The following CSMD1 variants were observed in gnomAD, a reference collection of about 807,000 sequenced individuals.
CSMD1 encodes CUB and sushi domain-containing protein 1.
CSMD1 carries 213 observed loss-of-function variants against 417.5 expected under a neutral mutation model. The observed-to-expected ratio is 0.51, with a 90% CI of 0.46 to 0.57. The LOEUF is 0.57. Ranked by LOEUF, CSMD1 falls within the 20% of genes least tolerant of loss-of-function variation. The pLI, the probability that CSMD1 is intolerant of heterozygous loss-of-function variation, is 0.00. For missense variants in CSMD1, 6,923 were observed against 4,529.7 expected, an observed-to-expected ratio of 1.53 and a Z score of -15.17; for synonymous variants, 2,862 against 1,736.8, an observed-to-expected ratio of 1.65 and a Z score of -16.11.
chr8:4,566,381 T>C (rs147563636), intron 2 of CSMD1, among the ~76,000 whole-genome samples: 533 of 151,924 alleles, frequency 3.5e-3, no homozygotes, highest in African/African-American at 0.012. Context: ...TGGCCGGGCG[T>C]GGTGGCTCAT....
At chr8:4,946,613 G>A (rs1346179338) in intron 1 of CSMD1, among the ~76,000 whole-genome samples, 1 of 152,140 alleles carries the variant, frequency 6.6e-6, no homozygotes, top group African/African-American at 2.4e-5. Context: ...TCTAAGGAAG[G>A]AGGTACTAAA....
chr8:4,795,902 A>G (rs992531264), intron 1 of CSMD1, among the ~76,000 whole-genome samples: 2 of 152,198 alleles, frequency 1.3e-5, no homozygotes, highest in African/African-American at 4.8e-5. Flanking sequence ...GTAGACTGAA[A>G]ATATTGCCAC....
At chr8:4,288,919 C>T (rs960449217) in intron 3 of CSMD1, among the ~76,000 whole-genome samples, 3 of 152,070 alleles carry the variant, frequency 2.0e-5, no homozygotes, top group African/African-American at 7.2e-5. Context: ...GTCCTCATTC[C>T]ATATATAACA....
intron 5 of CSMD1, among the ~76,000 whole-genome samples, chr8:3,802,284 A>G (rs534230784): frequency 6.6e-6 from 1 of 152,050 alleles, no homozygotes; most frequent in Non-Finnish European, 1.5e-5. Flanking sequence ...GATTTCTGCT[A>G]TTTTTCCACT....
intron 3 of CSMD1, among the ~76,000 whole-genome samples, chr8:4,032,518 A>C (rs1797401868): frequency 6.6e-6 from 1 of 152,148 alleles, no homozygotes; most frequent in Non-Finnish European, 1.5e-5. Context: ...GAATACTCAT[A>C]CCCTATTTAT....
chr8:3,560,036 T>C (rs566012655), intron 10 of CSMD1, among the ~76,000 whole-genome samples: 3 of 151,944 alleles, frequency 2.0e-5, no homozygotes, highest in Non-Finnish European at 4.4e-5. Flanking sequence ...TGGAGGGAAT[T>C]TGGTGAATGA....
intron 54 of CSMD1, among the ~76,000 whole-genome samples, chr8:2,981,851 CAT>C (rs1301373026): frequency 2.6e-5 from 4 of 152,152 alleles, no homozygotes; most frequent in Non-Finnish European, 5.9e-5. Flanking sequence ...CTCCTGAACA[CAT>C]GTCTGGTATA....
intron 6 of CSMD1, among the ~76,000 whole-genome samples, chr8:3,735,301 TAAA>T (rs746268434): frequency 3.7e-4 from 48 of 128,666 alleles, no homozygotes; most frequent in South Asian, 1.5e-3. Flanking sequence ...TATGGCAAGA[TAAA>T]AAACAAACAA....
chr8:4,024,113 A>G (rs375661118), intron 4 of CSMD1, among the ~76,000 whole-genome samples: 1 of 152,180 alleles, frequency 6.6e-6, no homozygotes, highest in African/African-American at 2.4e-5. Context: ...TACTAAATGG[A>G]AAGACAAGAG....
intron 7 of CSMD1, among the ~76,000 whole-genome samples, chr8:3,671,226 A>T (rs74800987): frequency 6.9e-6 from 1 of 145,632 alleles, no homozygotes; most frequent in African/African-American, 2.5e-5. Flanking sequence ...GGATGTATGT[A>T]TATGGGATAT....
chr8:3,526,267 G>A (rs892964830), intron 10 of CSMD1, among the ~76,000 whole-genome samples: 1 of 151,786 alleles, frequency 6.6e-6, no homozygotes, highest in South Asian at 2.1e-4. Flanking sequence ...AAAATATAAA[G>A]CTACCAAAAG....
At chr8:3,367,687 C>A (rs1809687606) in intron 19 of CSMD1, among the ~76,000 whole-genome samples, 1 of 151,884 alleles carries the variant, frequency 6.6e-6, no homozygotes, top group Non-Finnish European at 1.5e-5. Context: ...CATATAAGTA[C>A]AGATATGATG....
At chr8:4,276,876 A>G (rs1468342015) in intron 3 of CSMD1, among the ~76,000 whole-genome samples, 1 of 152,210 alleles carries the variant, frequency 6.6e-6, no homozygotes, top group Non-Finnish European at 1.5e-5. Flanking sequence ...TAAGTTAAAA[A>G]CATTTAAATA....
chr8:4,003,524 A>C (rs966862863), intron 4 of CSMD1, among the ~76,000 whole-genome samples: 2 of 152,238 alleles, frequency 1.3e-5, no homozygotes, highest in African/African-American at 2.4e-5. Context: ...ATTCTAGAAC[A>C]AACCAAAATT....
chr8:4,210,389 C>A (rs937594784), intron 3 of CSMD1, among the ~76,000 whole-genome samples: 41 of 152,260 alleles, frequency 2.7e-4, no homozygotes, highest in African/African-American at 9.4e-4. Flanking sequence ...TTTTTCTTCT[C>A]AGGATTTTAT....
chr8:4,719,807 T>C (rs1808931931), intron 1 of CSMD1, among the ~76,000 whole-genome samples: 1 of 152,206 alleles, frequency 6.6e-6, no homozygotes, highest in African/African-American at 2.4e-5. Flanking sequence ...GAACTATTGC[T>C]GCCTTTTACT....
chr8:4,277,269 T>A (rs1796540609), intron 3 of CSMD1, among the ~76,000 whole-genome samples: 1 of 152,090 alleles, frequency 6.6e-6, no homozygotes, highest in African/African-American at 2.4e-5. Context: ...CTTATGAAGT[T>A]GGGTTGTATT....
intron 1 of CSMD1, among the ~76,000 whole-genome samples, chr8:4,778,684 C>G (rs893199816): frequency 1.3e-5 from 2 of 152,198 alleles, no homozygotes; most frequent in African/African-American, 4.8e-5. Context: ...CTGAGTAGCA[C>G]TGTCCAATCA....
chr8:4,879,187 C>T (rs557218203), intron 1 of CSMD1, among the ~76,000 whole-genome samples: 3 of 151,966 alleles, frequency 2.0e-5, no homozygotes, highest in Admixed American at 6.6e-5. Context: ...TAGGCAGGCA[C>T]AGAGAGACAG....
Sources: allele counts gnomAD v4.1 joint callset (sites outside exome capture counted in the v4.1 genomes callset), GRCh38; gene constraint gnomAD v4.1.1; transcripts MANE v1.5; gene names NCBI Gene and HGNC (gene_info 2026-07-23, HGNC 2026-07-21).